G3BP2: variants seen among roughly 807,000 people sequenced by gnomAD.
The protein encoded by G3BP2 is G3BP stress granule assembly factor 2.
Under a neutral mutation model 56.7 loss-of-function variants are expected in G3BP2, and 11 were observed. That is an observed-to-expected ratio of 0.19 (90% CI 0.12 to 0.32). G3BP2 has a LOEUF of 0.32. Ranked by LOEUF, G3BP2 falls within the 10% of genes least tolerant of loss-of-function variation. The pLI is 1.00. For synonymous variants in G3BP2, 165 were observed against 191.6 expected (o/e 0.86, Z 1.15); for missense variants, 340 against 610.9 (o/e 0.56, Z 4.67).
intron 3 of G3BP2, chr4:75,694,724 G>C (rs1302964597): frequency 2.3e-5 from 22 of 963,988 alleles, no homozygotes; most frequent in Non-Finnish European, 2.7e-5. Context: ...GGCAACAAGA[G>C]CGAGACTCTG....
At chr4:75,668,606 C>T (rs1033473637) in intron 1 of G3BP2, among the ~76,000 whole-genome samples, 22 of 152,186 alleles carry the variant, frequency 1.4e-4, no homozygotes, top group African/African-American at 4.6e-4. Flanking sequence ...AATGGTTTGG[C>T]ACAAACATAG....
intron 3 of G3BP2, among the ~76,000 whole-genome samples, chr4:75,700,021 C>A (rs185212053): frequency 6.6e-6 from 1 of 152,028 alleles, no homozygotes. Context: ...AAGAAATCAA[C>A]ATAAAATAAA....
At chr4:75,705,091 T>C (rs1368961939) in intron 3 of G3BP2, among the ~76,000 whole-genome samples, 1 of 152,238 alleles carries the variant, frequency 6.6e-6, no homozygotes, top group Non-Finnish European at 1.5e-5. Context: ...ATTTTATGTG[T>C]GACCCAGGGA....
At chr4:75,677,257 T>G (rs1238019455), upstream of G3BP2, among the ~76,000 whole-genome samples, 3 of 152,180 alleles carry the variant, frequency 2.0e-5, no homozygotes, top group Non-Finnish European at 4.4e-5. Context: ...CCACTTTTGC[T>G]GATGAAGTAG....
chr4:75,662,174 T>C lies in G3BP2; in HGVS notation c.-24-125A>G, dbSNP rs1380048615. 8.4e-6 allele frequency: 5 copies of C among 592,384 alleles called. No homozygotes were observed. In the Middle Eastern group the frequency reaches 8.4e-4, roughly 99 times the overall value. 36.7% of individuals were successfully genotyped at this position (592,384 alleles called of 1,614,324 possible). On this transcript the variant is annotated intron_variant, in intron 1 of 11. Transcript: ENST00000359707. Reference sequence around the variant, plus strand: ...TGTATACCAATTTTAGTGACACTAATGTTAATAAGTTCTGATAACCCACTA... The same window carrying C: ...TGTATACCAATTTTAGTGACACTAACGTTAATAAGTTCTGATAACCCACTA...
At chr4:75,698,679 C>T (rs200540056) in intron 3 of G3BP2, among the ~76,000 whole-genome samples, 5 of 151,994 alleles carry the variant, frequency 3.3e-5, no homozygotes, top group East Asian at 3.9e-4. Flanking sequence ...CACATACTTA[C>T]GAAGGGGTCA....
intron 9 of G3BP2, among the ~76,000 whole-genome samples, chr4:75,648,304 C>T (rs556617749): frequency 1.3e-4 from 20 of 148,484 alleles, no homozygotes; most frequent in African/African-American, 4.5e-4. Flanking sequence ...GCTGAGATCA[C>T]GCCATTGTAC....
At chr4:75,711,329 A>G (rs1327146286) in intron 3 of G3BP2, among the ~76,000 whole-genome samples, 1 of 151,884 alleles carries the variant, frequency 6.6e-6, no homozygotes, top group African/African-American at 2.4e-5. Flanking sequence ...AAAGAAAAAA[A>G]AAAAAAAAGA....
chr4:75,697,750 A>G (rs1175686340), intron 3 of G3BP2, among the ~76,000 whole-genome samples: 2 of 152,298 alleles, frequency 1.3e-5, no homozygotes, highest in Non-Finnish European at 2.9e-5. Flanking sequence ...CCTGGCCAAC[A>G]TGGCAAAACC....
chr4:75,659,838 C>T (rs1208973731), intron 2 of G3BP2, among the ~76,000 whole-genome samples: 3 of 152,308 alleles, frequency 2.0e-5, no homozygotes, highest in East Asian at 3.9e-4. Context: ...CTTTTAACCA[C>T]TACTCTTATC....
At chr4:75,649,308 T>TA (rs756391355) in intron 8 of G3BP2, among the ~76,000 whole-genome samples, 220 of 152,258 alleles carry the variant, frequency 1.4e-3, no homozygotes, top group Non-Finnish European at 2.2e-3. Flanking sequence ...AAATGCATGT[T>TA]AAAAAAATGA....
chr4:75,720,318 C>G (rs1425184792), intron 3 of G3BP2, among the ~76,000 whole-genome samples: 1 of 150,524 alleles, frequency 6.6e-6, no homozygotes, highest in African/African-American at 2.4e-5. Context: ...ATCGAGACCA[C>G]GGAGAAACTC....
At chr4:75,689,286 A>T (rs1718752822) in intron 3 of G3BP2, among the ~76,000 whole-genome samples, 1 of 152,076 alleles carries the variant, frequency 6.6e-6, no homozygotes, top group Admixed American at 6.6e-5. Context: ...CTGAGGCAGG[A>T]GAATCGCTTG....
upstream of G3BP2, chr4:75,673,667 C>G (rs1252451630): frequency 3.3e-6 from 4 of 1,219,172 alleles, no homozygotes; most frequent in Non-Finnish European, 4.1e-6. Flanking sequence ...CTGCCTTTCT[C>G]CGGTCCCGAG....
chr4:75,645,886 C>A (rs937618991), intron 11 of G3BP2, among the ~76,000 whole-genome samples, 184 bp from the exon 12 acceptor site: 4 of 152,122 alleles, frequency 2.6e-5, no homozygotes, highest in Non-Finnish European at 5.9e-5. Flanking sequence ...GCATGGCTCA[C>A]TGCAGCCTTG....
chr4:75,718,920 T>C (rs908153127), intron 3 of G3BP2, among the ~76,000 whole-genome samples: 6 of 151,826 alleles, frequency 4.0e-5, no homozygotes, highest in Non-Finnish European at 1.5e-5. Flanking sequence ...AGTCCAGAAA[T>C]AGTGAAAACC....
intron 3 of G3BP2, among the ~76,000 whole-genome samples, chr4:75,705,439 A>C (rs527862718): frequency 8.5e-5 from 13 of 152,320 alleles, no homozygotes; most frequent in African/African-American, 2.9e-4. Flanking sequence ...TTTCCAGTGG[A>C]TTTTCCTGTG....
In G3BP2 at chr4:75,673,275, C is replaced by A. The variant is rs1733658225; in HGVS notation, c.-92G>T. On this transcript the variant is annotated 5_prime_UTR_variant, in exon 1 of 12. Transcript: ENST00000359707. Reference sequence around the variant, plus strand: ...AAGAGTCGCTGAGGACCGGGTGCGGCGGGTTCTTATTGCTCGCCGCCCCCT... The same window carrying A: ...AAGAGTCGCTGAGGACCGGGTGCGGAGGGTTCTTATTGCTCGCCGCCCCCT... The A allele has an allele frequency of 8.2e-7, 1 of 1,226,164 alleles. No individual in the cohort carries two copies. The highest frequency in any genetic ancestry group is 1.0e-6 in the Non-Finnish European group (1 of 984,802). The allele number at this position is 1,226,164 out of a possible 1,614,324, so 76.0% of individuals were successfully genotyped here.
At position 75,690,262 on chromosome 4, in the gene G3BP2, T is replaced by C. The variant is rs896918308; in HGVS notation, c.-24-28213A>G. Among the ~76,000 whole-genome samples the C allele has an allele frequency of 2.4e-4, 37 of 152,064 alleles. 1 individual carries two copies. The highest frequency in any genetic ancestry group is 1.0e-3 in the Admixed American group (16 of 15,250). On this transcript the variant is annotated intron_variant, in intron 3 of 3. Transcript: ENST00000499709. ...CAGCCTGGCCAACATGGCAAAACCC[T>C]GTCTCTACTAAAAATACAAAAGCCG...
Sources: gnomAD v4.1 joint callset for allele counts (sites outside exome capture counted in the v4.1 genomes callset) on GRCh38, gnomAD v4.1.1 for gene constraint, MANE v1.5 for transcripts, NCBI Gene and HGNC (gene_info 2026-07-23, HGNC 2026-07-21) for gene names.